Variants in COL8A1 observed in about 807,000 individuals in gnomAD.
The protein encoded by COL8A1 is collagen type VIII alpha 1 chain.
COL8A1 carries 21 observed loss-of-function variants against 42.7 expected under a neutral mutation model. That is an observed-to-expected ratio of 0.49 (90% CI 0.35 to 0.71). COL8A1 has a LOEUF of 0.71. COL8A1 is among the 30% of genes least tolerant of loss of function. The probability of loss-of-function intolerance (pLI) is 0.01; values close to 1 mark genes in which losing one functional copy is unlikely to be tolerated. For missense variants in COL8A1, 788 were observed against 962.4 expected, an observed-to-expected ratio of 0.82 and a Z score of 2.40; for synonymous variants, 367 against 369.1, an observed-to-expected ratio of 0.99 and a Z score of 0.06.
chr3:99,770,337 C>A (rs1009097702), intron 2 of COL8A1, among the ~76,000 whole-genome samples: 7 of 152,298 alleles, frequency 4.6e-5, no homozygotes, highest in Admixed American at 4.6e-4. Flanking sequence ...TTCTCAATTA[C>A]CTTCACCTTA....
intron 2 of COL8A1, among the ~76,000 whole-genome samples, chr3:99,789,885 C>A (rs1328117197): frequency 6.6e-6 from 1 of 152,106 alleles, no homozygotes; most frequent in East Asian, 1.9e-4. Flanking sequence ...AATAAAGGTG[C>A]ATAATTATGA....
chr3:99,727,754 C>G lies in COL8A1; in HGVS notation c.-128-17143C>G, dbSNP rs186850442. On this transcript the variant is annotated intron_variant, in intron 1 of 3. Coordinates refer to ENST00000652472, the MANE Select transcript of COL8A1 (RefSeq NM_020351.4). ...GCAAAAATCCTCAATAAAATACTGG[C>G]AAACCGAATCCAGCAGCACATCCAA... Among the ~76,000 whole-genome samples, 280 of 152,032 alleles carry G rather than the reference C, an allele frequency of 1.8e-3. 2 individuals carry two copies. Among genetic ancestry groups the G allele is most frequent in the Admixed American group, 4.2e-3 (64 of 15,250 alleles).
At chr3:99,756,110 G>A (rs752526497) in intron 2 of COL8A1, among the ~76,000 whole-genome samples, 2 of 151,746 alleles carry the variant, frequency 1.3e-5, no homozygotes, top group African/African-American at 2.4e-5. Context: ...GGATGTGTGA[G>A]AAGAAGAGAT....
chr3:99,647,067 A>G (rs941582378), intron 1 of COL8A1, among the ~76,000 whole-genome samples: 1 of 152,216 alleles, frequency 6.6e-6, no homozygotes, highest in Non-Finnish European at 1.5e-5. Context: ...CTTTAGAAAC[A>G]CTCAATGAAA....
rs1269519557 is a variant in COL8A1, at chr3:99,744,992, T to C, written c.-33T>C. On this transcript the variant is annotated 5_prime_UTR_variant, in exon 2 of 4. Transcript: ENST00000652472. Reference sequence around the variant, plus strand: ...CACCAGCAAGGACATTGGTCTTTGATTTGATTCAGCAGTCCTGTCAAGTAT... The same window carrying C: ...CACCAGCAAGGACATTGGTCTTTGACTTGATTCAGCAGTCCTGTCAAGTAT... 6.6e-6 allele frequency: 1 copy of C among 152,182 alleles called. No individual in the cohort carries two copies. Among genetic ancestry groups the C allele is most frequent in the East Asian group, 1.9e-4 (1 of 5,172 alleles). The allele number at this position is 152,182 out of a possible 1,614,324, so 9.4% of individuals were successfully genotyped here.
chr3:99,757,903 TC>T (rs1941286023), intron 2 of COL8A1, among the ~76,000 whole-genome samples: 1 of 152,196 alleles, frequency 6.6e-6, no homozygotes. Context: ...TATCAAGTGT[TC>T]CTTGAGATCT....
chr3:99,639,452 C>T (rs1249207961), intron 1 of COL8A1, among the ~76,000 whole-genome samples: 1 of 152,196 alleles, frequency 6.6e-6, no homozygotes, highest in Non-Finnish European at 1.5e-5. Flanking sequence ...CTTCTGTGCA[C>T]ACCAGATGGT....
At chr3:99,733,111 C>T (rs1297743473) in intron 1 of COL8A1, among the ~76,000 whole-genome samples, 3 of 139,272 alleles carry the variant, frequency 2.2e-5, no homozygotes, top group Non-Finnish European at 3.1e-5. Flanking sequence ...TCTCTCCCAG[C>T]TTTTTTCTTT....
intron 1 of COL8A1, chr3:99,679,806 T>G (rs552939942): frequency 6.6e-6 from 1 of 152,286 alleles, no homozygotes; most frequent in South Asian, 2.1e-4. Flanking sequence ...GAATTTCTAT[T>G]TGGGAGATGA....
intron 2 of COL8A1, among the ~76,000 whole-genome samples, chr3:99,775,002 TGGTA>T (rs1328185853): frequency 6.6e-6 from 1 of 152,064 alleles, no homozygotes; most frequent in Admixed American, 6.5e-5. Flanking sequence ...GAAGAAACAG[TGGTA>T]GGTGTGAGGA....
chr3:99,726,232 C>T (rs1016469083), intron 1 of COL8A1, among the ~76,000 whole-genome samples: 8 of 152,136 alleles, frequency 5.3e-5, no homozygotes, highest in Non-Finnish European at 8.8e-5. Context: ...AGTATCTGTT[C>T]GTATCCTGCA....
Position 99,737,610 on chromosome 3 carries a change from G to A in COL8A1, c.-128-7287G>A, listed in dbSNP as rs1940767359. On this transcript the variant is annotated intron_variant, in intron 1 of 3. Transcript: ENST00000652472. ...CCAAGAGATCCGCTGTCAGTCTGAT[G>A]GGCTTCCCTTTGAGGGTAACCCGAC... Among the ~76,000 whole-genome samples, 3 of 152,090 alleles carry A rather than the reference G, an allele frequency of 2.0e-5. No homozygotes were observed. In the South Asian group the frequency reaches 6.2e-4, roughly 32 times the overall value.
intron 1 of COL8A1, among the ~76,000 whole-genome samples, chr3:99,730,404 T>C (rs1185316294): frequency 1.3e-5 from 2 of 152,130 alleles, no homozygotes; most frequent in Admixed American, 1.3e-4. Flanking sequence ...TTTTTTGAAA[T>C]GTTATGACAT....
chr3:99,673,681 G>A (rs1938610012), intron 1 of COL8A1, among the ~76,000 whole-genome samples: 1 of 151,846 alleles, frequency 6.6e-6, no homozygotes, highest in African/African-American at 2.4e-5. Context: ...TAGTTTTGGA[G>A]GATTTCTTTT....
At chr3:99,741,958 T>G (rs1402418954) in intron 1 of COL8A1, among the ~76,000 whole-genome samples, 1 of 152,176 alleles carries the variant, frequency 6.6e-6, no homozygotes, top group Non-Finnish European at 1.5e-5. Context: ...CCCCTTCACC[T>G]TTTAATTTTG....
chr3:99,697,727 C>G (rs1340858273), intron 1 of COL8A1, among the ~76,000 whole-genome samples: 1 of 152,178 alleles, frequency 6.6e-6, no homozygotes, highest in Non-Finnish European at 1.5e-5. Context: ...CTTGGAAGAC[C>G]AATTTCTTTG....
At chr3:99,723,377 C>A (rs1306954775) in intron 1 of COL8A1, among the ~76,000 whole-genome samples, 2 of 151,938 alleles carry the variant, frequency 1.3e-5, no homozygotes, top group African/African-American at 2.4e-5. Context: ...CTCTGCAAGT[C>A]CAGATTAGTT....
At chr3:99,644,309 A>G (rs1003991361) in intron 1 of COL8A1, among the ~76,000 whole-genome samples, 7 of 152,134 alleles carry the variant, frequency 4.6e-5, no homozygotes. Context: ...TGGGAAAGGA[A>G]CCTCATTTCA....
rs1942130955 is a variant in COL8A1 at position 99,797,788 on chromosome 3, G to A, written c.*1652G>A. On this transcript the variant is annotated 3_prime_UTR_variant, in exon 4 of 4. Transcript: ENST00000652472. ...GAATGTCAAAGGGCAACAAGAGCCT[G>A]TGTTTTTAATGTCATCCTGTACTCG... The A allele has an allele frequency of 6.6e-6, 1 of 152,220 alleles. No homozygotes were observed. Among genetic ancestry groups the A allele is most frequent in the Non-Finnish European group, 1.5e-5 (1 of 68,042 alleles). The allele number at this position is 152,220 out of a possible 1,614,324, so 9.4% of individuals were successfully genotyped here.
Sources: allele counts gnomAD v4.1 joint callset (sites outside exome capture counted in the v4.1 genomes callset), GRCh38; gene constraint gnomAD v4.1.1; transcripts MANE v1.5; gene names NCBI Gene and HGNC (gene_info 2026-07-23, HGNC 2026-07-21).